The following GANC variants were observed in gnomAD, a reference collection of about 807,000 sequenced individuals.
The protein encoded by GANC is glucosidase alpha, neutral C.
A neutral mutation model predicts 124.2 loss-of-function variants in GANC; 117 were observed. That is an observed-to-expected ratio of 0.94 (90% CI 0.81 to 1.10). GANC has a LOEUF of 1.10. Ranked by LOEUF, GANC falls within the 50% of genes least tolerant of loss-of-function variation. The pLI is 0.00. For synonymous variants in GANC, 377 were observed against 376.8 expected (o/e 1.00, Z -0.01); for missense variants, 1,140 against 1,095.0 (o/e 1.04, Z -0.58).
chr15:42,352,073 A>G lies in GANC; in HGVS notation c.2679A>G (p.Thr893=). Reference sequence around the variant, plus strand: ...TGGCTTTTACGTATTGTGCCAAAACATCCATCCTGAGCCTGGAGAAGCTCT... The same window carrying G: ...TGGCTTTTACGTATTGTGCCAAAACGTCCATCCTGAGCCTGGAGAAGCTCT... The part of the protein sequence containing the change: ...QPVAFTYCAK[T]SILSLEKLSL... Residue 893 remains threonine, a synonymous_variant, in exon 24 of 24, where the codon ACA becomes ACG. Coordinates refer to ENST00000318010, the MANE Select transcript of GANC (RefSeq NM_198141.3). 1 of 1,614,190 alleles carries G rather than the reference A, an allele frequency of 6.2e-7. No homozygotes were observed. Among genetic ancestry groups the G allele is most frequent in the East Asian group, 2.2e-5 (1 of 44,890 alleles).
At position 42,339,776 on chromosome 15, in the gene GANC, A is replaced by G; in HGVS notation, c.1951A>G (p.Lys651Glu). 6.2e-7 allele frequency: 1 copy of G among 1,614,174 alleles called. No individual in the cohort carries two copies. The highest frequency in any genetic ancestry group is 8.5e-7 in the Non-Finnish European group (1 of 1,180,016). ...CCGTGGCCATGCCACCATGAACACCAAGCGACGAGAGCCCTGGCTCTTTGG... is the reference window on the plus strand; with the variant it reads ...CCGTGGCCATGCCACCATGAACACCGAGCGACGAGAGCCCTGGCTCTTTGG... ...FFRGHATMNT[K>E]RREPWLFGEE... The change falls in exon 17 of 24, where the codon AAG becomes GAG. Residue 651 changes from lysine to glutamate, a missense_variant. Lys to Glu is a moderately conservative substitution (Grantham distance 56). Transcript: ENST00000318010.
intron 18 of GANC, among the ~76,000 whole-genome samples, chr15:42,341,501 A>T (rs922567027): frequency 6.6e-6 from 1 of 152,140 alleles, no homozygotes; most frequent in African/African-American, 2.4e-5. Context: ...CCAGCTTAGT[A>T]GCAGGGCTCA....
At chr15:42,295,129 C>A (rs1176537029) in intron 5 of GANC, among the ~76,000 whole-genome samples, 4 of 151,836 alleles carry the variant, frequency 2.6e-5, no homozygotes, top group Admixed American at 6.6e-5. Flanking sequence ...CACCACCATG[C>A]CCGGCTAATT....
chr15:42,330,286 T>C (rs1320963605), intron 14 of GANC, among the ~76,000 whole-genome samples: 1 of 152,198 alleles, frequency 6.6e-6, no homozygotes, highest in Non-Finnish European at 1.5e-5. Context: ...ACGGAGATTA[T>C]ATGAGAAAAT....
At chr15:42,295,131 C>T (rs1405785790) in intron 5 of GANC, among the ~76,000 whole-genome samples, 2 of 151,820 alleles carry the variant, frequency 1.3e-5, no homozygotes, top group East Asian at 1.9e-4. Flanking sequence ...CCACCATGCC[C>T]GGCTAATTTT....
In GANC at chr15:42,273,571, A is replaced by T. The variant is rs2051611363; in HGVS notation, c.-911A>T. On this transcript the variant is annotated 5_prime_UTR_variant, in exon 1 of 24. Transcript: ENST00000318010. ...CAGACAGTCGTCTGTGCGCCGTGAG[A>T]CTTTGGACCTACTGCGCAGGCGTCA... 2 of 1,174,332 alleles carry T rather than the reference A, an allele frequency of 1.7e-6. No homozygotes were observed. Among genetic ancestry groups the T allele is most frequent in the Admixed American group, 2.7e-5 (1 of 36,996 alleles). 72.7% of individuals were successfully genotyped at this position (1,174,332 alleles called of 1,614,324 possible). A position where few individuals can be genotyped will look rare whatever the true frequency, so the allele number is the denominator to read the frequency against.
intron 6 of GANC, among the ~76,000 whole-genome samples, chr15:42,300,656 T>C (rs1301943464): frequency 6.6e-6 from 1 of 152,202 alleles, no homozygotes; most frequent in Non-Finnish European, 1.5e-5. Flanking sequence ...CATGTATGTT[T>C]ATTGCAGCAC....
chr15:42,338,734 A>G (rs927850777), intron 16 of GANC, among the ~76,000 whole-genome samples: 21 of 152,140 alleles, frequency 1.4e-4, no homozygotes, highest in African/African-American at 5.1e-4. Flanking sequence ...AGCCAGAGCC[A>G]TTTTCTTATC....
intron 10 of GANC, among the ~76,000 whole-genome samples, chr15:42,319,686 A>G (rs1044557732): frequency 6.6e-6 from 1 of 152,182 alleles, no homozygotes; most frequent in East Asian, 1.9e-4. Flanking sequence ...TCAAAATAGC[A>G]CACCACGTTA....
At chr15:42,287,350 C>A (rs758523501) in intron 3 of GANC, among the ~76,000 whole-genome samples, 2 of 152,184 alleles carry the variant, frequency 1.3e-5, no homozygotes, top group Non-Finnish European at 2.9e-5. Context: ...ATCATAGATA[C>A]AGTAGCCACA....
intron 6 of GANC, among the ~76,000 whole-genome samples, chr15:42,298,141 A>G (rs2051909372): frequency 6.6e-6 from 1 of 152,216 alleles, no homozygotes; most frequent in East Asian, 1.9e-4. Context: ...AAAAAGTTGT[A>G]TATACACAAG....
intron 10 of GANC, among the ~76,000 whole-genome samples, chr15:42,317,751 AT>A (rs2052120941): frequency 6.6e-6 from 1 of 152,194 alleles, no homozygotes; most frequent in South Asian, 2.1e-4. Flanking sequence ...TCCAATTGTG[AT>A]GGGAGGAATG....
At chr15:42,274,588 A>T in intron 1 of GANC, 78 bp downstream of exon 1, 4 of 1,354,436 alleles carry the variant, frequency 3.0e-6, no homozygotes, top group Non-Finnish European at 4.1e-6. Flanking sequence ...TGCATTTCTT[A>T]TTTGCGTATT....
At chr15:42,294,937 G>A (rs1258560832) in intron 5 of GANC, among the ~76,000 whole-genome samples, 1 of 150,180 alleles carries the variant, frequency 6.7e-6, no homozygotes, top group African/African-American at 2.5e-5. Context: ...AGTCATAAAA[G>A]GATAGTTGTT....
At chr15:42,323,259 A>G (rs896032290) in intron 11 of GANC, among the ~76,000 whole-genome samples, 2 of 152,200 alleles carry the variant, frequency 1.3e-5, no homozygotes, top group African/African-American at 4.8e-5. Context: ...CTTAATAAGT[A>G]GTTATTTAAT....
At position 42,293,270 on chromosome 15, in the gene GANC, C is replaced by A. The variant is rs571767748; in HGVS notation, c.512+353C>A. On this transcript the variant is annotated intron_variant, in intron 5 of 23. Transcript: ENST00000318010. Reference sequence around the variant, plus strand: ...ACTCCCTTGCAATAACACAAATTACCCTAGACTTGAATAGTTGTCCAGGAA... The same window carrying A: ...ACTCCCTTGCAATAACACAAATTACACTAGACTTGAATAGTTGTCCAGGAA... 5.9e-5 allele frequency among the ~76,000 whole-genome samples: 9 copies of A among 152,234 alleles called. No homozygotes were observed. The South Asian group carries it at 1.9e-3, about 32-fold the overall frequency.
chr15:42,284,586 C>A (rs2141020070), intron 3 of GANC, among the ~76,000 whole-genome samples: 1 of 152,264 alleles, frequency 6.6e-6, no homozygotes, highest in South Asian at 2.1e-4. Context: ...TTATTCTTTT[C>A]TCTGAGGATT....
At position 42,273,456 on chromosome 15, in the gene GANC, C is replaced by G; in HGVS notation, c.-1026C>G. 6.2e-7 allele frequency: 1 copy of G among 1,605,180 alleles called. No homozygotes were observed. The highest frequency in any genetic ancestry group is 1.1e-5 in the South Asian group (1 of 90,540). ...TTCACCCTCTTCCGGTTCGTCCCGC[C>G]TTCTTCCGGCTCTGCTCTAAGGGCG... On this transcript the variant is annotated 5_prime_UTR_variant, in exon 1 of 24. Transcript: ENST00000318010.
rs1420827856 is a variant in GANC at position 42,352,147 on chromosome 15, C to T, written c.*8C>T. 5.0e-6 allele frequency: 8 copies of T among 1,614,082 alleles called. No homozygotes were observed. Among genetic ancestry groups the T allele is most frequent in the Non-Finnish European group, 6.8e-6 (8 of 1,179,952 alleles). The stretch of plus-strand genomic sequence containing the variant: ...GAGGTCCGCATCATATGACAAAGAA[C>T]TGCCCCTGGTGATGTGAGCAGGGAC... On this transcript the variant is annotated 3_prime_UTR_variant, in exon 24 of 24. Coordinates refer to ENST00000318010, the MANE Select transcript of GANC (RefSeq NM_198141.3).
Sources: allele counts gnomAD v4.1 joint callset (sites outside exome capture counted in the v4.1 genomes callset), GRCh38; gene constraint gnomAD v4.1.1; transcripts MANE v1.5; gene names NCBI Gene and HGNC (gene_info 2026-07-23, HGNC 2026-07-21).